Variants in SLFN13 observed in about 807,000 individuals in gnomAD.
The protein encoded by SLFN13 is schlafen-13.
Under a neutral mutation model 50.6 loss-of-function variants are expected in SLFN13, and 43 were observed. The observed-to-expected ratio is 0.85, with a 90% confidence interval of 0.67 to 1.09. SLFN13 has a LOEUF of 1.09. SLFN13 is among the 50% of genes least tolerant of loss of function. SLFN13 has a pLI of 0.00. For synonymous variants in SLFN13, 339 were observed against 386.5 expected, an observed-to-expected ratio of 0.88 and a Z score of 1.44; for missense variants, 881 against 1,071.1, an observed-to-expected ratio of 0.82 and a Z score of 2.48.
In SLFN13 at chr17:35,441,202, C is replaced by A; in HGVS notation, c.2087G>T (p.Gly696Val). The change falls in exon 6 of 6, where the codon GGA becomes GTA. Residue 696 changes from glycine (G) to valine (V), a missense_variant. Coordinates refer to ENST00000285013, the MANE Select transcript of SLFN13 (RefSeq NM_144682.6). ...TITQREKDCP[G>V]VLWIFLDYFQ... ...GTAGTCCAGAAAGATCCAGAGAACT[C>A]CTGGACAATCCTTTTCTCTCTGAGT... 6.2e-7 allele frequency: 1 copy of A among 1,614,072 alleles called. No individual in the cohort carries two copies. Among genetic ancestry groups the A allele is most frequent in the African/African-American group, 1.3e-5 (1 of 75,052 alleles).
In SLFN13 at chr17:35,440,267, A is replaced by G. The variant is rs1033230604; in HGVS notation, c.*328T>C. The G allele has an allele frequency of 5.4e-5, 14 of 260,742 alleles. No homozygotes were observed. Among genetic ancestry groups the G allele is most frequent in the African/African-American group, 3.1e-4 (14 of 45,042 alleles). 16.2% of individuals were successfully genotyped at this position (260,742 alleles called of 1,614,324 possible). A position where few individuals can be genotyped will look rare whatever the true frequency, so the allele number is the denominator to read the frequency against. ...GCCTTGGAAGAAAGGCCACAGGCTG[A>G]GTTTCTTATTTTTATGGCTTTTACC... On this transcript the variant is annotated 3_prime_UTR_variant, in exon 6 of 6. Transcript: ENST00000285013.
At chr17:35,443,405 G>C (rs151007444) in intron 4 of SLFN13, among the ~76,000 whole-genome samples, 313 of 152,214 alleles carry the variant, frequency 2.1e-3, no homozygotes, top group Admixed American at 3.1e-3. Flanking sequence ...ACCAGAAGTG[G>C]CTAGTTATTC....
rs756956142 is a variant in SLFN13 at position 35,441,592 on chromosome 17, A to G, written c.1893T>C (p.Cys631=). Reference sequence around the variant, plus strand: ...TAAAGTTCCTCAGAGGCTGGTTTTCACAAACGTAGAGAATTCTGTGTGCCT... The same window carrying G: ...TAAAGTTCCTCAGAGGCTGGTTTTCGCAAACGTAGAGAATTCTGTGTGCCT... The part of the protein sequence containing the change: ...HCEAHRILYV[C]ENQPLRNFIS... Residue 631 remains cysteine (C), a synonymous_variant, in exon 5 of 6, where the codon TGT becomes TGC. Transcript: ENST00000285013. The G allele has an allele frequency of 4.4e-6, 7 of 1,599,634 alleles. No homozygotes were observed. Among genetic ancestry groups the G allele is most frequent in the Non-Finnish European group, 5.1e-6 (6 of 1,176,294 alleles).
chr17:35,449,076 A>AACAACAACAACAACAAC (rs58902173), upstream of SLFN13, among the ~76,000 whole-genome samples: 5 of 115,682 alleles, frequency 4.3e-5, no homozygotes, highest in South Asian at 5.3e-4. Context: ...ACAACAACAA[A>AACAACAACAACAACAAC]ATTACTCAGG....
Position 35,437,904 on chromosome 17 carries a change from C to G in SLFN13, c.*2691G>C, listed in dbSNP as rs1220864073. 1 of 152,074 alleles carries G rather than the reference C, an allele frequency of 6.6e-6. No homozygotes were observed. The highest frequency in any genetic ancestry group is 1.5e-5 in the Non-Finnish European group (1 of 68,020). The allele number at this position is 152,074 out of a possible 1,614,324, so 9.4% of individuals were successfully genotyped here. On this transcript the variant is annotated 3_prime_UTR_variant, in exon 6 of 6. Coordinates refer to ENST00000285013, the MANE Select transcript of SLFN13 (RefSeq NM_144682.6). ...TTTCAGATCTTTAATGAAGCAGGTC[C>G]TATATGACTAGAGCCAAATTACAGA...
At chr17:35,446,821 G>A (rs1913238143) in intron 2 of SLFN13, 2 of 152,216 alleles carry the variant, frequency 1.3e-5, no homozygotes, top group Admixed American at 6.5e-5. Flanking sequence ...AATAAAGGCT[G>A]GGACATTCAC....
chr17:35,442,201 GT>G lies in SLFN13; in HGVS notation c.1283del (p.His428ProfsTer12). ...CCTGGGAGAAAGGTCGCATTTGCTT[GT>G]GTATTAACTCCTTTAGTCCTTCATG... ...LQHEGLKELI[H>X]KQMRPFSQGI... is the part of the protein sequence containing the mutation. On this transcript the variant is annotated frameshift_variant, in exon 5 of 6. Transcript: ENST00000285013. LOFTEE classifies it high-confidence loss of function. 6.2e-7 allele frequency: 1 copy of G among 1,614,152 alleles called. No individual in the cohort carries two copies. Among genetic ancestry groups the G allele is most frequent in the South Asian group, 1.1e-5 (1 of 91,074 alleles).
rs1380050333 is a variant in SLFN13, at chr17:35,437,639, A to T, written c.*2956T>A. 2 of 151,952 alleles carry T rather than the reference A, an allele frequency of 1.3e-5. No homozygotes were observed. Among genetic ancestry groups the T allele is most frequent in the Non-Finnish European group, 2.9e-5 (2 of 67,992 alleles). The allele number at this position is 151,952 out of a possible 1,614,324, so 9.4% of individuals were successfully genotyped here. ...AAACTAGCAGAGACCTTGGTACAGC[A>T]CTCCATAGCAAGAAGTGGCAGGAGA... is the stretch of plus-strand genomic sequence containing the variant. On this transcript the variant is annotated 3_prime_UTR_variant, in exon 6 of 6. Transcript: ENST00000285013.
Position 35,441,556 on chromosome 17 carries a change from T to A in SLFN13, c.1922+7A>T. On this transcript the variant is annotated splice_region_variant and intron_variant, in intron 5 of 5. Transcript: ENST00000285013. ...AAAACTTAAAGACGTAAGATCCAAC[T>A]GCTTACCTGATAAAGTTCCTCAGAG... The A allele has an allele frequency of 1.2e-6, 2 of 1,610,486 alleles. No individual in the cohort carries two copies. The highest frequency in any genetic ancestry group is 1.7e-6 in the Non-Finnish European group (2 of 1,179,332).
intron 2 of SLFN13, 92 bp from the exon 3 acceptor site, chr17:35,445,785 A>G: frequency 3.7e-6 from 4 of 1,067,884 alleles, no homozygotes; most frequent in Non-Finnish European, 5.2e-6. Flanking sequence ...AACGTGTCTA[A>G]TATGTGCTGG....
chr17:35,442,034 T>C lies in SLFN13; in HGVS notation c.1451A>G (p.Gln484Arg), dbSNP rs1912934225. 1 of 1,614,196 alleles carries C rather than the reference T, an allele frequency of 6.2e-7. No individual in the cohort carries two copies. Among genetic ancestry groups the C allele is most frequent in the Non-Finnish European group, 8.5e-7 (1 of 1,180,070 alleles). The change falls in exon 5 of 6, where the codon CAG (glutamine) becomes CGG (arginine). Residue 484 changes from glutamine (Q) to arginine (R), a missense_variant. Physicochemically the swap from Gln to Arg is conservative, Grantham distance 43. Coordinates refer to ENST00000285013, the MANE Select transcript of SLFN13 (RefSeq NM_144682.6). The part of the protein sequence containing the change: ...TILREQDAEG[Q>R]DYCTRTAFTL... ...AAAGGCGGTGCGAGTGCAGTAGTCC[T>C]GGCCCTCTGCATCCTGCTCCCTGAG...
rs7210421 is a variant in SLFN13, at chr17:35,437,713, A to T, written c.*2882T>A. The T allele has an allele frequency of 0.39, 59,988 of 151,892 alleles. 12,289 individuals are homozygous for T. The highest frequency in any genetic ancestry group is 0.49 in the African/African-American group (20,134 of 41,410). The allele number at this position is 151,892 out of a possible 1,614,324, so 9.4% of individuals were successfully genotyped here. A position where few individuals can be genotyped will look rare whatever the true frequency, so the allele number is the denominator to read the frequency against. Reference sequence around the variant, plus strand: ...TTCCTGGAATTCTCAGAAATCTTAAAGGAAATAAGCTAGGTTTAAAAAAAT... The same window carrying T: ...TTCCTGGAATTCTCAGAAATCTTAATGGAAATAAGCTAGGTTTAAAAAAAT... On this transcript the variant is annotated 3_prime_UTR_variant, in exon 6 of 6. Coordinates refer to ENST00000285013, the MANE Select transcript of SLFN13 (RefSeq NM_144682.6).
At position 35,440,051 on chromosome 17, in the gene SLFN13, G is replaced by C. The variant is rs1472702553; in HGVS notation, c.*544C>G. ...TTTGTTCTGCCGAAATGATTAATCT[G>C]ACAGTGACTGAATTATCTTGGGACT... On this transcript the variant is annotated 3_prime_UTR_variant, in exon 6 of 6. Coordinates refer to ENST00000285013, the MANE Select transcript of SLFN13 (RefSeq NM_144682.6). 1 of 153,446 alleles carries C rather than the reference G, an allele frequency of 6.5e-6. No homozygotes were observed. The highest frequency in any genetic ancestry group is 2.4e-5 in the African/African-American group (1 of 41,444). 9.5% of individuals were successfully genotyped at this position (153,446 alleles called of 1,614,324 possible).
rs146021127 is a variant in SLFN13 at position 35,442,191 on chromosome 17, G to A, written c.1294C>T (p.Arg432Ter). 49 of 1,614,048 alleles carry A rather than the reference G, an allele frequency of 3.0e-5. No individual in the cohort carries two copies. The highest frequency in any genetic ancestry group is 8.8e-5 in the South Asian group (8 of 91,090). ...ATCACAATTCCCTGGGAGAAAGGTC[G>A]CATTTGCTTGTGTATTAACTCCTTT... ...GLKELIHKQM[R>*]PFSQGIVILS... Residue 432 changes from arginine (R) to a stop codon, truncating the protein, a stop_gained, in exon 5 of 6, where the codon CGA becomes TGA. Coordinates refer to ENST00000285013, the MANE Select transcript of SLFN13 (RefSeq NM_144682.6). LOFTEE classifies it high-confidence loss of function.
In SLFN13 at chr17:35,443,688, T is replaced by A. The variant is rs539326391; in HGVS notation, c.1198+101A>T. Reference sequence around the variant, plus strand: ...AGAGGCTTGTGGCATTGTCACTGTGTACACCTGGATCTGCAGGACACAATC... The same window carrying A: ...AGAGGCTTGTGGCATTGTCACTGTGAACACCTGGATCTGCAGGACACAATC... On this transcript the variant is annotated intron_variant, in intron 4 of 5. Transcript: ENST00000285013. 5 of 1,323,484 alleles carry A rather than the reference T, an allele frequency of 3.8e-6. No homozygotes were observed. The Admixed American group carries it at 7.5e-5, about 20-fold the overall frequency. The allele number at this position is 1,323,484 out of a possible 1,614,324, so 82.0% of individuals were successfully genotyped here. A position where few individuals can be genotyped will look rare whatever the true frequency, so the allele number is the denominator to read the frequency against.
Position 35,444,121 on chromosome 17 carries a change from T to C in SLFN13, c.1067-201A>G, listed in dbSNP as rs138863202. On this transcript the variant is annotated intron_variant, in intron 3 of 5. Coordinates refer to ENST00000285013, the MANE Select transcript of SLFN13 (RefSeq NM_144682.6). ...CCCTTTTTCTGATCCTTGAATGGTG[T>C]TTCCCCATGCAATATAATGCCCCCT... 2.2e-4 allele frequency among the ~76,000 whole-genome samples: 34 copies of C among 152,340 alleles called. No individual in the cohort carries two copies. In the East Asian group the frequency reaches 5.6e-3, roughly 25 times the overall value.
Position 35,440,398 on chromosome 17 carries a change from A to G in SLFN13, c.*197T>C. 3.1e-6 allele frequency: 2 copies of G among 649,104 alleles called. No homozygotes were observed. Among genetic ancestry groups the G allele is most frequent in the Non-Finnish European group, 5.2e-6 (2 of 381,942 alleles). The allele number at this position is 649,104 out of a possible 1,614,324, so 40.2% of individuals were successfully genotyped here. A position where few individuals can be genotyped will look rare whatever the true frequency, so the allele number is the denominator to read the frequency against. On this transcript the variant is annotated 3_prime_UTR_variant, in exon 6 of 6. Coordinates refer to ENST00000285013, the MANE Select transcript of SLFN13 (RefSeq NM_144682.6). ...TCAGGGGTCAGAATGGGGGGCAGCC[A>G]CCACTGCTGAAAAGAGTTGGGGGAG...
At chr17:35,446,618 C>T (rs1212003802) in intron 2 of SLFN13, 1 of 152,186 alleles carries the variant, frequency 6.6e-6, no homozygotes, top group Non-Finnish European at 1.5e-5. Context: ...TGCTTTGGTT[C>T]ACAGGTGTTC....
At chr17:35,445,850 G>A in intron 2 of SLFN13, 157 bp from the exon 3 acceptor site, 1 of 613,220 alleles carries the variant, frequency 1.6e-6, no homozygotes, top group Non-Finnish European at 2.7e-6. Context: ...TGACTGGCTG[G>A]CAGGGAAGGG....
Sources: gnomAD v4.1 joint callset for allele counts (sites outside exome capture counted in the v4.1 genomes callset) on GRCh38, gnomAD v4.1.1 for gene constraint, MANE v1.5 for transcripts, NCBI Gene and HGNC (gene_info 2026-07-23, HGNC 2026-07-21) for gene names.